Variants in CRAMP1 observed in about 807,000 individuals in gnomAD.
CRAMP1 encodes cramped chromatin regulator 1.
Under a neutral mutation model 115.4 loss-of-function variants are expected in CRAMP1, and 50 were observed. That is an observed-to-expected ratio of 0.43 (90% CI 0.35 to 0.55). The LOEUF (loss-of-function observed/expected upper bound fraction) is 0.55. CRAMP1 is among the 20% of genes least tolerant of loss of function. The pLI is 0.01. For missense variants in CRAMP1, 1,679 were observed against 1,721.7 expected, an observed-to-expected ratio of 0.98 and a Z score of 0.44; for synonymous variants, 866 against 745.4, an observed-to-expected ratio of 1.16 and a Z score of -2.64.
At chr16:1,659,235 C>T (rs551666872) in intron 10 of CRAMP1, among the ~76,000 whole-genome samples, 52 of 152,318 alleles carry the variant, frequency 3.4e-4, no homozygotes, top group Middle Eastern at 3.4e-3. Context: ...TGTCACTTGC[C>T]ATCCGGCACC....
At chr16:1,665,268 T>C (rs895836443) in intron 14 of CRAMP1, 130 bp downstream of exon 14, 4 of 701,014 alleles carry the variant, frequency 5.7e-6, no homozygotes, top group African/African-American at 5.3e-5. Context: ...TACCGACAAA[T>C]ACCTAATGTG....
In CRAMP1 at chr16:1,674,104, A is replaced by G; in HGVS notation, c.*59A>G. 6.5e-7 allele frequency: 1 copy of G among 1,531,140 alleles called. No homozygotes were observed. The highest frequency in any genetic ancestry group is 1.9e-5 in the Admixed American group (1 of 52,768). The allele number at this position is 1,531,140 out of a possible 1,614,324, so 94.8% of individuals were successfully genotyped here. On this transcript the variant is annotated 3_prime_UTR_variant, in exon 21 of 21. Coordinates refer to ENST00000397412, the MANE Select transcript of CRAMP1 (RefSeq NM_020825.4). Reference sequence around the variant, plus strand: ...GAGCTAGAGAAAAATAGATAAGCCCAGCAGCCCCAGAAGATGGTCTGAACA... The same window carrying G: ...GAGCTAGAGAAAAATAGATAAGCCCGGCAGCCCCAGAAGATGGTCTGAACA...
At chr16:1,673,465 C>G (rs1311291464) in intron 20 of CRAMP1, among the ~76,000 whole-genome samples, 1 of 152,276 alleles carries the variant, frequency 6.6e-6, no homozygotes, top group Non-Finnish European at 1.5e-5. Flanking sequence ...ACCTCCCGCT[C>G]AGGTCCCAGT....
In CRAMP1 at chr16:1,674,159, C is replaced by T. The variant is rs929473467; in HGVS notation, c.*114C>T. 1.2e-5 allele frequency: 13 copies of T among 1,042,284 alleles called. No individual in the cohort carries two copies. The highest frequency in any genetic ancestry group is 1.1e-4 in the African/African-American group (7 of 62,124). 64.6% of individuals were successfully genotyped at this position (1,042,284 alleles called of 1,614,324 possible). A position where few individuals can be genotyped will look rare whatever the true frequency, so the allele number is the denominator to read the frequency against. On this transcript the variant is annotated 3_prime_UTR_variant, in exon 21 of 21. Coordinates refer to ENST00000397412, the MANE Select transcript of CRAMP1 (RefSeq NM_020825.4). ...CATCTCCGCACCCAAGACTGTGCAA[C>T]GGGCAGGAACGTGGTCACAGAGCTG... is the stretch of plus-strand genomic sequence containing the variant.
Position 1,655,443 on chromosome 16 carries a change from A to C in CRAMP1, c.1119+143A>C, listed in dbSNP as rs144648982. ...TGTGACATGGTGTACATCTGGAACCATAACCTGGAGCCCCTTATTCCCTGG... is the reference window on the plus strand; with the variant it reads ...TGTGACATGGTGTACATCTGGAACCCTAACCTGGAGCCCCTTATTCCCTGG... On this transcript the variant is annotated intron_variant, in intron 9 of 20. Transcript: ENST00000397412. 235 of 726,704 alleles carry C rather than the reference A, an allele frequency of 3.2e-4. No individual in the cohort carries two copies. In the African/African-American group the frequency reaches 3.5e-3, roughly 11 times the overall value. 45.0% of individuals were successfully genotyped at this position (726,704 alleles called of 1,614,324 possible).
chr16:1,659,984 C>A lies in CRAMP1; in HGVS notation c.2334C>A (p.Arg778=). 6.2e-7 allele frequency: 1 copy of A among 1,607,410 alleles called. No homozygotes were observed. The highest frequency in any genetic ancestry group is 8.5e-7 in the Non-Finnish European group (1 of 1,179,794). The stretch of plus-strand genomic sequence containing the variant: ...GGAAGGTGGTGACCGTCAGCTCTCG[C>A]AGCCCCCGCTGCCCTCGGAACCAGG... ...PPGKVVTVSS[R]SPRCPRNQAS... The change falls in exon 11 of 21, where the codon CGC becomes CGA. Residue 778 remains arginine, a synonymous_variant. Coordinates refer to ENST00000397412, the MANE Select transcript of CRAMP1 (RefSeq NM_020825.4).
At position 1,626,104 on chromosome 16, in the gene CRAMP1, C is replaced by T. The variant is rs1008535036; in HGVS notation, c.478C>T (p.Arg160Trp). 6.5e-7 allele frequency: 1 copy of T among 1,550,312 alleles called. No individual in the cohort carries two copies. The highest frequency in any genetic ancestry group is 8.7e-7 in the Non-Finnish European group (1 of 1,146,334). ...GGEKEEGKKV[R>W]RQWESWSTED... ...CGAGAAGGAAGAAGGCAAAAAGGTC[C>T]GGCGGCAGTGGGAGTCGTGGAGCAC... is the stretch of plus-strand genomic sequence containing the variant. The change falls in exon 3 of 21, where the codon CGG becomes TGG. Residue 160 changes from arginine (R) to tryptophan (W), a missense_variant. Coordinates refer to ENST00000397412, the MANE Select transcript of CRAMP1 (RefSeq NM_020825.4).
chr16:1,662,694 C>A (rs1450070556), intron 12 of CRAMP1, 23 bp downstream of exon 12: 1 of 1,613,832 alleles, frequency 6.2e-7, no homozygotes, highest in Non-Finnish European at 8.5e-7. Context: ...GGCCGGGCCG[C>A]CCGCGTGCGA....
intron 5 of CRAMP1, among the ~76,000 whole-genome samples, chr16:1,639,374 T>G (rs2036613628): frequency 6.6e-6 from 1 of 151,648 alleles, no homozygotes; most frequent in Non-Finnish European, 1.5e-5. Flanking sequence ...AGAGCCCTTT[T>G]ACAGAAGTTT....
At chr16:1,634,056 A>G (rs1037982618) in intron 4 of CRAMP1, among the ~76,000 whole-genome samples, 3 of 151,950 alleles carry the variant, frequency 2.0e-5, no homozygotes, top group Admixed American at 6.6e-5. Context: ...AAGTCAGTCC[A>G]TGAGAGCAGA....
In CRAMP1 at chr16:1,653,012, C is replaced by G. The variant is rs780870667; in HGVS notation, c.914-21C>G. The G allele has an allele frequency of 3.1e-6, 5 of 1,613,190 alleles. No homozygotes were observed. The African/African-American group carries it at 5.3e-5, about 17-fold the overall frequency. ...TTAAGGTTGGGCTGCACTAAACTTT[C>G]ATGGTTCTTCTGCATTGCAGGCTTG... On this transcript the variant is annotated intron_variant, in intron 7 of 20. Transcript: ENST00000397412.
chr16:1,666,222 A>G lies in CRAMP1; in HGVS notation c.2857+45A>G. 7.1e-7 allele frequency: 1 copy of G among 1,398,630 alleles called. No homozygotes were observed. 86.6% of individuals were successfully genotyped at this position (1,398,630 alleles called of 1,614,324 possible). On this transcript the variant is annotated intron_variant, in intron 15 of 20. Coordinates refer to ENST00000397412, the MANE Select transcript of CRAMP1 (RefSeq NM_020825.4). This position sits in a 1 kb window ranked among gnomAD's most constrained non-coding sequence, Gnocchi z 5.0. Reference sequence around the variant, plus strand: ...GCCACAGCCACTGAGTGAGCCTCTGAGGGATGTTTTTGTGACCAGGTTTTT... The same window carrying G: ...GCCACAGCCACTGAGTGAGCCTCTGGGGGATGTTTTTGTGACCAGGTTTTT...
rs768542850 is a variant in CRAMP1 at position 1,656,167 on chromosome 16, C to T, written c.1410C>T (p.Gly470=). Residue 470 remains glycine (G), a synonymous_variant, in exon 10 of 21, where the codon GGC becomes GGT. Coordinates refer to ENST00000397412, the MANE Select transcript of CRAMP1 (RefSeq NM_020825.4). The surrounding 1 kb of genome is among the most constrained non-coding windows in gnomAD (Gnocchi z 5.6). The part of the protein sequence containing the change: ...QVKCPRSGAE[G]KGVGRPPPAA... ...AATGCCCGCGGAGCGGAGCTGAGGGCAAGGGTGTGGGGCGGCCCCCTCCTG... is the reference window on the plus strand; with the variant it reads ...AATGCCCGCGGAGCGGAGCTGAGGGTAAGGGTGTGGGGCGGCCCCCTCCTG... The T allele has an allele frequency of 2.5e-6, 4 of 1,605,910 alleles. No homozygotes were observed. Among genetic ancestry groups the T allele is most frequent in the Middle Eastern group, 1.7e-4 (1 of 5,988 alleles).
At chr16:1,657,507 C>T (rs1251785581) in intron 10 of CRAMP1, among the ~76,000 whole-genome samples, 2 of 152,218 alleles carry the variant, frequency 1.3e-5, no homozygotes, top group Non-Finnish European at 2.9e-5. Flanking sequence ...ACAGAGGGAA[C>T]GATGGGTGTA....
In CRAMP1 at chr16:1,677,356, T is replaced by C. The variant is rs1385791621; in HGVS notation, c.*3311T>C. The C allele has an allele frequency of 1.3e-5, 2 of 152,164 alleles. No individual in the cohort carries two copies. Among genetic ancestry groups the C allele is most frequent in the Non-Finnish European group, 2.9e-5 (2 of 68,064 alleles). The allele number at this position is 152,164 out of a possible 1,614,324, so 9.4% of individuals were successfully genotyped here. A position where few individuals can be genotyped will look rare whatever the true frequency, so the allele number is the denominator to read the frequency against. ...ACTGAGGAGACTTGAGGTAGGAGAA[T>C]CACTTGAACCTCAGCGGCGGAGGTT... On this transcript the variant is annotated 3_prime_UTR_variant, in exon 21 of 21. Transcript: ENST00000397412.
chr16:1,624,648 G>A (rs1317148028), intron 2 of CRAMP1, among the ~76,000 whole-genome samples: 6 of 152,040 alleles, frequency 3.9e-5, no homozygotes, highest in Admixed American at 1.3e-4. Context: ...GCGCGATCTC[G>A]GCTCACTGCA....
At chr16:1,626,698 C>T (rs926191662) in intron 3 of CRAMP1, among the ~76,000 whole-genome samples, 4 of 152,234 alleles carry the variant, frequency 2.6e-5, no homozygotes, top group African/African-American at 7.2e-5. Context: ...TGGCCAGTTT[C>T]ACCTGCATTA....
intron 6 of CRAMP1, among the ~76,000 whole-genome samples, chr16:1,644,133 G>A (rs939664197): frequency 6.6e-6 from 1 of 152,212 alleles, no homozygotes; most frequent in Admixed American, 6.5e-5. Flanking sequence ...CTCCTGGACC[G>A]AGTGCTGGGT....
At chr16:1,658,117 G>T (rs1250449144) in intron 10 of CRAMP1, among the ~76,000 whole-genome samples, 1 of 152,178 alleles carries the variant, frequency 6.6e-6, no homozygotes, top group Non-Finnish European at 1.5e-5. Context: ...CCGGTGCAGG[G>T]CTTGCCCCGG....
Sources: allele counts gnomAD v4.1 joint callset (sites outside exome capture counted in the v4.1 genomes callset), GRCh38; gene constraint gnomAD v4.1.1; non-coding constraint Gnocchi (gnomAD v3.1); transcripts MANE v1.5; gene names NCBI Gene and HGNC (gene_info 2026-07-23, HGNC 2026-07-21).